TFEC: variants seen among roughly 807,000 people sequenced by gnomAD.
The protein encoded by TFEC is transcription factor EC.
Under a neutral mutation model 41.6 loss-of-function variants are expected in TFEC, and 31 were observed. The observed-to-expected ratio is 0.74, with a 90% CI of 0.56 to 1.01. TFEC has a LOEUF of 1.01. Among genes scored for constraint, TFEC ranks in the 50% least tolerant of loss-of-function variants. TFEC has a pLI of 0.00. For missense variants in TFEC, 402 were observed against 404.1 expected, an observed-to-expected ratio of 0.99 and a Z score of 0.04; for synonymous variants, 143 against 140.6, an observed-to-expected ratio of 1.02 and a Z score of -0.12.
intron 3 of TFEC, among the ~76,000 whole-genome samples, chr7:116,037,208 G>T (rs1795930836): frequency 6.6e-6 from 1 of 152,012 alleles, no homozygotes; most frequent in Non-Finnish European, 1.5e-5. Context: ...TTGTGCACGG[G>T]ATGTTGAGGG....
At chr7:115,950,467 G>A (rs1441560947) in intron 6 of TFEC, among the ~76,000 whole-genome samples, 1 of 151,818 alleles carries the variant, frequency 6.6e-6, no homozygotes, top group Non-Finnish European at 1.5e-5. Flanking sequence ...CAAAATTCGG[G>A]GACCTTGGAA....
chr7:116,085,702 A>G (rs914052905), intron 3 of TFEC, among the ~76,000 whole-genome samples: 5 of 151,938 alleles, frequency 3.3e-5, no homozygotes, highest in Admixed American at 1.3e-4. Flanking sequence ...ATGAAGCTAA[A>G]ATGAAATTAT....
intron 3 of TFEC, among the ~76,000 whole-genome samples, chr7:116,039,342 G>C (rs1795979795): frequency 6.6e-6 from 1 of 151,954 alleles, no homozygotes; most frequent in Non-Finnish European, 1.5e-5. Flanking sequence ...GAAGAAAGGA[G>C]GGAGTAGGCA....
intron 2 of TFEC, among the ~76,000 whole-genome samples, chr7:115,978,927 C>T (rs1254637181): frequency 6.6e-6 from 1 of 152,100 alleles, no homozygotes; most frequent in Non-Finnish European, 1.5e-5. Context: ...TATTCAGGTT[C>T]TCAAGGGGAT....
At chr7:115,986,217 A>G (rs967433319) in intron 1 of TFEC, among the ~76,000 whole-genome samples, 2 of 152,328 alleles carry the variant, frequency 1.3e-5, no homozygotes, top group Middle Eastern at 3.4e-3. Flanking sequence ...AACAATGATA[A>G]TAATATTAAG....
At chr7:116,129,972 G>A (rs1038354191) in intron 1 of TFEC, among the ~76,000 whole-genome samples, 1 of 150,046 alleles carries the variant, frequency 6.7e-6, no homozygotes, top group Non-Finnish European at 1.5e-5. Flanking sequence ...CTCATGCTAT[G>A]ATGCTTATTA....
At chr7:115,946,918 T>A (rs1269275493) in intron 6 of TFEC, among the ~76,000 whole-genome samples, 4 of 151,426 alleles carry the variant, frequency 2.6e-5, no homozygotes, top group African/African-American at 9.7e-5. Flanking sequence ...CTCAGTTTTT[T>A]TTTAAATTTA....
chr7:116,042,155 A>G (rs1796052576), intron 3 of TFEC, among the ~76,000 whole-genome samples: 1 of 152,226 alleles, frequency 6.6e-6, no homozygotes, highest in Non-Finnish European at 1.5e-5. Context: ...AGTGAAAATG[A>G]CATTTCTAGC....
upstream of TFEC, among the ~76,000 whole-genome samples, chr7:116,032,033 A>T (rs1442209729): frequency 6.6e-6 from 1 of 152,160 alleles, no homozygotes; most frequent in South Asian, 2.1e-4. Flanking sequence ...TTTGTATGAT[A>T]CAACATGTTT....
intron 3 of TFEC, among the ~76,000 whole-genome samples, chr7:116,059,012 A>C (rs955445192): frequency 2.6e-5 from 4 of 151,806 alleles, no homozygotes; most frequent in Non-Finnish European, 4.4e-5. Flanking sequence ...ATCCAAAGTA[A>C]GTAAAAGAAA....
rs1460622657 is a variant in TFEC at position 115,956,157 on chromosome 7, TTAAAA to T, written c.382+517_382+521del. Among the ~76,000 whole-genome samples, 10 of 152,062 alleles carry T rather than the reference TTAAAA, an allele frequency of 6.6e-5. No homozygotes were observed. In the South Asian group the frequency reaches 1.5e-3, roughly 22 times the overall value. On this transcript the variant is annotated intron_variant, in intron 4 of 7. Transcript: ENST00000265440. ...GCTCCTATAATTTGAGTTGTAACAA[TTAAAA>T]TAAACTATTGAAAACTCAGGGTTTA...
At chr7:116,057,734 G>A (rs758827039) in intron 3 of TFEC, among the ~76,000 whole-genome samples, 12 of 151,570 alleles carry the variant, frequency 7.9e-5, no homozygotes, top group Non-Finnish European at 1.5e-4. Flanking sequence ...TAAGATTAAC[G>A]AAAAAATAGC....
chr7:116,056,205 A>G (rs1396209429), intron 3 of TFEC, among the ~76,000 whole-genome samples: 2 of 152,054 alleles, frequency 1.3e-5, no homozygotes, highest in Non-Finnish European at 2.9e-5. Flanking sequence ...CTCAAGAAAG[A>G]AAAGGTAAGC....
chr7:116,015,888 T>C (rs1467373727), intron 1 of TFEC, among the ~76,000 whole-genome samples: 1 of 152,158 alleles, frequency 6.6e-6, no homozygotes, highest in African/African-American at 2.4e-5. Context: ...GAAGGTCTAG[T>C]TCACAGCTAA....
At position 116,126,779 on chromosome 7, in the gene TFEC, G is replaced by C. The variant is rs116480648; in HGVS notation, c.-68-14741C>G. On this transcript the variant is annotated intron_variant, in intron 1 of 8. Transcript: ENST00000484212. ...AATTGAGGGAGGAAACAAAAAAGGA[G>C]CAGGGTGAGATTGAAAAAATAAAAA... Among the ~76,000 whole-genome samples, 766 of 152,052 alleles carry C rather than the reference G, an allele frequency of 5.0e-3. 4 individuals carry two copies. Among genetic ancestry groups the C allele is most frequent in the African/African-American group, 0.017 (693 of 41,492 alleles).
At chr7:116,146,649 A>G (rs1010461572) in intron 1 of TFEC, among the ~76,000 whole-genome samples, 3 of 152,208 alleles carry the variant, frequency 2.0e-5, no homozygotes, top group South Asian at 2.1e-4. Context: ...ATTTTAATAC[A>G]TACCTTAAGA....
chr7:115,990,223 G>A (rs745961857), intron 1 of TFEC, among the ~76,000 whole-genome samples: 26 of 152,148 alleles, frequency 1.7e-4, no homozygotes, highest in Non-Finnish European at 2.9e-4. Context: ...AACCCCATCT[G>A]TATGCCACCA....
chr7:116,009,794 T>A (rs1418342733), intron 1 of TFEC, among the ~76,000 whole-genome samples: 1 of 152,148 alleles, frequency 6.6e-6, no homozygotes, highest in Non-Finnish European at 1.5e-5. Context: ...GTAGGCACAG[T>A]CAAACATGGT....
chr7:115,987,259 G>C (rs1348109972), intron 1 of TFEC, among the ~76,000 whole-genome samples: 1 of 152,100 alleles, frequency 6.6e-6, no homozygotes, highest in Non-Finnish European at 1.5e-5. Context: ...AATAAAATGT[G>C]ATTATACTGT....
Sources: gnomAD v4.1 joint callset for allele counts (sites outside exome capture counted in the v4.1 genomes callset) on GRCh38, gnomAD v4.1.1 for gene constraint, MANE v1.5 for transcripts, NCBI Gene and HGNC (gene_info 2026-07-23, HGNC 2026-07-21) for gene names.